The following CTNNA2 variants were observed in gnomAD, a reference collection of about 807,000 sequenced individuals.
CTNNA2 encodes catenin alpha 2.
CTNNA2 carries 42 observed loss-of-function variants against 101.0 expected under a neutral mutation model. That is an observed-to-expected ratio of 0.42 (90% CI 0.32 to 0.54). The LOEUF (loss-of-function observed/expected upper bound fraction) is 0.54, where lower values mean the gene tolerates loss of function less well. Ranked by LOEUF, CTNNA2 falls within the 20% of genes least tolerant of loss-of-function variation. The pLI is 0.14. For synonymous variants in CTNNA2, 450 were observed against 456.4 expected (o/e 0.99, Z 0.18); for missense variants, 871 against 1,223.1 (o/e 0.71, Z 4.29).
intron 1 of CTNNA2, among the ~76,000 whole-genome samples, chr2:79,542,381 A>T (rs1032453679): frequency 2.6e-5 from 4 of 152,210 alleles, no homozygotes; most frequent in African/African-American, 9.6e-5. Context: ...TTGCAAACTT[A>T]AGCAGCAAAA....
In CTNNA2 at chr2:80,434,423, G is replaced by A. The variant is rs151317635; in HGVS notation, c.1290+14822G>A. On this transcript the variant is annotated intron_variant, in intron 9 of 18. Transcript: ENST00000402739. ...AACTATGCTTGATGATCATGACTTCGAAGGAGCTGATGATCGCTACTTCGA... is the reference window on the plus strand; with the variant it reads ...AACTATGCTTGATGATCATGACTTCAAAGGAGCTGATGATCGCTACTTCGA... Among the ~76,000 whole-genome samples, 4 of 151,156 alleles carry A rather than the reference G, an allele frequency of 2.6e-5. No individual in the cohort carries two copies. The East Asian group carries it at 7.8e-4, about 29-fold the overall frequency.
At chr2:80,401,536 T>C (rs1381623585) in intron 8 of CTNNA2, among the ~76,000 whole-genome samples, 1 of 152,190 alleles carries the variant, frequency 6.6e-6, no homozygotes, top group Non-Finnish European at 1.5e-5. Flanking sequence ...CATGTACCTC[T>C]GGTGGCACCT....
intron 12 of CTNNA2, among the ~76,000 whole-genome samples, chr2:80,568,152 G>A (rs1305153104): frequency 3.3e-5 from 5 of 152,150 alleles, no homozygotes; most frequent in Non-Finnish European, 7.3e-5. Context: ...AGAATCCTGA[G>A]CTCAGGTTTC....
At chr2:79,730,475 G>A (rs1687128576) in intron 2 of CTNNA2, among the ~76,000 whole-genome samples, 1 of 151,836 alleles carries the variant, frequency 6.6e-6, no homozygotes, top group South Asian at 2.1e-4. Context: ...TTAGAACTTA[G>A]TAGGCTTGTG....
At chr2:79,873,680 C>T (rs1224620276) in intron 5 of CTNNA2, among the ~76,000 whole-genome samples, 1 of 152,008 alleles carries the variant, frequency 6.6e-6, no homozygotes, top group African/African-American at 2.4e-5. Context: ...GGGAGAATCC[C>T]TTGAGGCCAG....
At position 79,967,117 on chromosome 2, in the gene CTNNA2, C is replaced by CGTGT. The variant is rs56007530; in HGVS notation, c.1056+57339_1056+57342dup. Among the ~76,000 whole-genome samples, 1,466 of 149,628 alleles carry CGTGT rather than the reference C, an allele frequency of 9.8e-3. 12 individuals carry two copies. Among genetic ancestry groups the CGTGT allele is most frequent in the Middle Eastern group, 0.035 (10 of 284 alleles). On this transcript the variant is annotated intron_variant, in intron 7 of 18. Transcript: ENST00000402739. ...CTATGCGTGCACACACGCGCACGCA[C>CGTGT]GTGTGTGTGTGTGTGTGTGTGTATG... is the stretch of plus-strand genomic sequence containing the variant.
intron 7 of CTNNA2, among the ~76,000 whole-genome samples, chr2:80,094,537 G>T (rs1050419238): frequency 1.3e-5 from 2 of 152,148 alleles, no homozygotes; most frequent in African/African-American, 4.8e-5. Context: ...TTCTAATTCT[G>T]TGAAGCAAGT....
At chr2:79,872,853 T>C (rs1241755302) in intron 5 of CTNNA2, among the ~76,000 whole-genome samples, 1 of 136,580 alleles carries the variant, frequency 7.3e-6, no homozygotes, top group Non-Finnish European at 1.5e-5. Context: ...TGGAAGAATA[T>C]TCTCCCAGAG....
chr2:80,332,026 T>C (rs1242240778), intron 7 of CTNNA2, among the ~76,000 whole-genome samples: 1 of 151,860 alleles, frequency 6.6e-6, no homozygotes, highest in East Asian at 1.9e-4. Context: ...TGGACAGGAG[T>C]CCTCTTGGCA....
chr2:79,824,507 C>T (rs1386261853), intron 3 of CTNNA2, among the ~76,000 whole-genome samples: 4 of 140,158 alleles, frequency 2.9e-5, no homozygotes, highest in Non-Finnish European at 4.7e-5. Flanking sequence ...GGAGCACTGC[C>T]CCAGTGCTTA....
rs184219985 is a variant in CTNNA2, at chr2:80,605,091, A to G, written c.2295+912A>G. 2.6e-5 allele frequency: 4 copies of G among 152,166 alleles called. No homozygotes were observed. The East Asian group carries it at 7.8e-4, about 30-fold the overall frequency. The allele number at this position is 152,166 out of a possible 1,614,324, so 9.4% of individuals were successfully genotyped here. A position where few individuals can be genotyped will look rare whatever the true frequency, so the allele number is the denominator to read the frequency against. ...ACCCAGACTCAGAAGCATCAGAGAT[A>G]AATGAAATTCTCAGAGTATCTCTTA... On this transcript the variant is annotated intron_variant, in intron 16 of 18. Coordinates refer to ENST00000402739, the MANE Select transcript of CTNNA2 (RefSeq NM_001282597.3).
At chr2:79,966,968 T>C (rs1026773895) in intron 7 of CTNNA2, among the ~76,000 whole-genome samples, 3 of 152,072 alleles carry the variant, frequency 2.0e-5, no homozygotes, top group Non-Finnish European at 4.4e-5. Context: ...GTGCCTTGGC[T>C]CTTCTCCTTC....
intron 3 of CTNNA2, among the ~76,000 whole-genome samples, chr2:79,372,549 A>G (rs1677896388): frequency 6.6e-6 from 1 of 152,218 alleles, no homozygotes. Flanking sequence ...AAAAATTGAA[A>G]GAAAACTAAA....
intron 9 of CTNNA2, among the ~76,000 whole-genome samples, chr2:80,487,509 C>T (rs1267099237): frequency 6.6e-6 from 1 of 151,928 alleles, no homozygotes; most frequent in African/African-American, 2.4e-5. Context: ...GAAGAAGTGC[C>T]AAGCAAAAGG....
chr2:80,301,049 T>A (rs746126823), intron 7 of CTNNA2, among the ~76,000 whole-genome samples: 1 of 152,042 alleles, frequency 6.6e-6, no homozygotes, highest in Non-Finnish European at 1.5e-5. Flanking sequence ...CTCAGAAATA[T>A]GCAAACACAG....
intron 9 of CTNNA2, among the ~76,000 whole-genome samples, chr2:80,456,790 T>C (rs1171628275): frequency 6.6e-6 from 1 of 152,074 alleles, no homozygotes; most frequent in Admixed American, 6.6e-5. Context: ...AAAAGGTACA[T>C]GCACATGGAG....
intron 7 of CTNNA2, among the ~76,000 whole-genome samples, chr2:80,193,000 G>A (rs1406639900): frequency 1.3e-5 from 2 of 152,150 alleles, no homozygotes; most frequent in Non-Finnish European, 2.9e-5. Context: ...ATACAGGATT[G>A]TAGGTCATTG....
At chr2:79,310,567 G>A (rs1401959631) in intron 2 of CTNNA2, among the ~76,000 whole-genome samples, 3 of 152,200 alleles carry the variant, frequency 2.0e-5, no homozygotes, top group Admixed American at 6.5e-5. Context: ...GGGTGTTGTT[G>A]TCCATATAGG....
intron 7 of CTNNA2, among the ~76,000 whole-genome samples, chr2:80,147,801 AT>A (rs1467281632): frequency 6.7e-6 from 1 of 148,766 alleles, no homozygotes; most frequent in Non-Finnish European, 1.5e-5. Context: ...TCTTGTTATG[AT>A]GTTCATTTGT....
Sources: gnomAD v4.1 joint callset for allele counts (sites outside exome capture counted in the v4.1 genomes callset) on GRCh38, gnomAD v4.1.1 for gene constraint, MANE v1.5 for transcripts, NCBI Gene and HGNC (gene_info 2026-07-23, HGNC 2026-07-21) for gene names.